MBTD1: variants seen among roughly 807,000 people sequenced by gnomAD.
The protein encoded by MBTD1 is mbt domain containing 1.
MBTD1 carries 24 observed loss-of-function variants against 87.8 expected under a neutral mutation model. That is an observed-to-expected ratio of 0.27 (90% CI 0.20 to 0.38). MBTD1 has a LOEUF of 0.38. Ranked by LOEUF, MBTD1 falls within the 10% of genes least tolerant of loss-of-function variation. The pLI, the probability that MBTD1 is intolerant of heterozygous loss-of-function variation, is 1.00. For missense variants in MBTD1, 436 were observed against 760.2 expected (o/e 0.57, Z 5.02); for synonymous variants, 237 against 248.6 (o/e 0.95, Z 0.44).
chr17:51,189,163 T>C (rs1331193886), intron 16 of MBTD1, among the ~76,000 whole-genome samples: 1 of 94,262 alleles, frequency 1.1e-5, no homozygotes, highest in Non-Finnish European at 2.1e-5. Flanking sequence ...TTTATATATA[T>C]ATTTGCTTTA....
intron 1 of MBTD1, 36 bp from the exon 2 acceptor site, chr17:51,259,242 C>T (rs2055293608): frequency 1.6e-6 from 2 of 1,231,162 alleles, no homozygotes; most frequent in African/African-American, 1.6e-5. Flanking sequence ...CAAAGGAGAA[C>T]GCAATGGTCA....
intron 3 of MBTD1, among the ~76,000 whole-genome samples, chr17:51,220,771 A>G (rs2052842723): frequency 6.6e-6 from 1 of 152,184 alleles, no homozygotes; most frequent in Non-Finnish European, 1.5e-5. Flanking sequence ...AGTGCTTACC[A>G]TGTGCCAGGC....
upstream of MBTD1, chr17:51,260,389 G>C (rs1204607660): frequency 1.6e-6 from 1 of 617,066 alleles, no homozygotes. Flanking sequence ...GGCCCTCCCG[G>C]AGGAACTCCC....
At position 51,179,494 on chromosome 17, in the gene MBTD1, A is replaced by ATATATATATT. The variant is rs2050211823; in HGVS notation, c.*1081_*1082insAATATATATA. ...CAATTAAAGACAATTTTATATATAT[A>ATATATATATT]TATATATATATATATATATATATAT... On this transcript the variant is annotated 3_prime_UTR_variant, in exon 17 of 17. Transcript: ENST00000586178. The ATATATATATT allele has an allele frequency of 3.9e-4, 16 of 41,454 alleles. No homozygotes were observed. Among genetic ancestry groups the ATATATATATT allele is most frequent in the East Asian group, 8.1e-4 (1 of 1,236 alleles). The allele number at this position is 41,454 out of a possible 1,614,324, so 2.6% of individuals were successfully genotyped here.
chr17:51,259,790 C>A, intron 1 of MBTD1, 45 bp downstream of exon 1: 1 of 1,230,386 alleles, frequency 8.1e-7, no homozygotes, highest in Non-Finnish European at 1.0e-6. Flanking sequence ...CTGCAGGCGT[C>A]CCCCCCACCT....
At chr17:51,229,659 A>AT (rs1568211015) in intron 2 of MBTD1, among the ~76,000 whole-genome samples, 12 of 122,222 alleles carry the variant, frequency 9.8e-5, no homozygotes, top group Admixed American at 1.9e-4. Flanking sequence ...TTTTTAGTAT[A>AT]CTTTTTTTTT....
intron 2 of MBTD1, among the ~76,000 whole-genome samples, chr17:51,236,283 T>C (rs2053832880): frequency 1.3e-5 from 2 of 152,206 alleles, no homozygotes; most frequent in Admixed American, 1.3e-4. Context: ...TCTCACCCTG[T>C]TGCCCAGGCT....
intron 2 of MBTD1, among the ~76,000 whole-genome samples, chr17:51,246,882 C>T (rs760508874): frequency 1.2e-4 from 18 of 151,984 alleles, no homozygotes; most frequent in Middle Eastern, 3.2e-3. Context: ...TCAGGTGATC[C>T]GCCCGCCTCA....
At chr17:51,238,466 G>A (rs1011208632) in intron 2 of MBTD1, among the ~76,000 whole-genome samples, 1 of 152,204 alleles carries the variant, frequency 6.6e-6, no homozygotes, top group Non-Finnish European at 1.5e-5. Flanking sequence ...CAGAGGTAAC[G>A]AGAGTTTCTA....
intron 12 of MBTD1, among the ~76,000 whole-genome samples, chr17:51,200,019 G>T (rs531372759): frequency 6.6e-6 from 1 of 152,188 alleles, no homozygotes; most frequent in Admixed American, 6.5e-5. Flanking sequence ...TAGAGACAGG[G>T]TTTCACCGTG....
Position 51,179,029 on chromosome 17 carries a change from T to G in MBTD1, c.*1547A>C, listed in dbSNP as rs1467106579. On this transcript the variant is annotated 3_prime_UTR_variant, in exon 17 of 17. Coordinates refer to ENST00000586178, the MANE Select transcript of MBTD1 (RefSeq NM_017643.3). ...AATAAATTGCTGGTTTTTTTTAACG[T>G]TCTATGCATTTTAAAATTCAAACAA... 6.6e-6 allele frequency: 1 copy of G among 152,154 alleles called. No homozygotes were observed. Among genetic ancestry groups the G allele is most frequent in the Non-Finnish European group, 1.5e-5 (1 of 68,018 alleles). The allele number at this position is 152,154 out of a possible 1,614,324, so 9.4% of individuals were successfully genotyped here. A position where few individuals can be genotyped will look rare whatever the true frequency, so the allele number is the denominator to read the frequency against.
At chr17:51,223,995 C>T (rs12453596) in intron 3 of MBTD1, among the ~76,000 whole-genome samples, 24,111 of 152,184 alleles carry the variant, frequency 0.16, 2,084 homozygotes, top group Admixed American at 0.24. Flanking sequence ...CAGTTATTTA[C>T]AAGTTCATTA....
At chr17:51,254,726 T>C (rs1474805056) in intron 2 of MBTD1, among the ~76,000 whole-genome samples, 1 of 152,238 alleles carries the variant, frequency 6.6e-6, no homozygotes, top group Non-Finnish European at 1.5e-5. Flanking sequence ...ACAGGAAGGA[T>C]GTATGATAAA....
At chr17:51,201,926 A>G in intron 11 of MBTD1, 96 bp downstream of exon 11, 1 of 844,026 alleles carries the variant, frequency 1.2e-6, no homozygotes, top group East Asian at 2.5e-5. Flanking sequence ...TTTTAAGTGA[A>G]CATATGTAAT....
intron 16 of MBTD1, among the ~76,000 whole-genome samples, chr17:51,181,921 G>C (rs1308055329): frequency 1.3e-5 from 2 of 152,172 alleles, no homozygotes; most frequent in African/African-American, 4.8e-5. Context: ...CACAGCGCCT[G>C]GCTGTGTTCA....
intron 2 of MBTD1, 150 bp from the exon 3 acceptor site, chr17:51,225,359 T>A: frequency 4.9e-6 from 2 of 411,102 alleles, no homozygotes; most frequent in South Asian, 5.2e-5. Context: ...TTTCTTTTTT[T>A]AAAAAATGCT....
chr17:51,257,182 T>C (rs968668269), intron 2 of MBTD1, among the ~76,000 whole-genome samples: 1 of 152,260 alleles, frequency 6.6e-6, no homozygotes, highest in African/African-American at 2.4e-5. Flanking sequence ...TTTTAACTAT[T>C]GTAAGTCCTT....
chr17:51,203,096 T>C (rs776293868), intron 9 of MBTD1, 44 bp downstream of exon 9: 4 of 1,467,680 alleles, frequency 2.7e-6, no homozygotes, highest in Non-Finnish European at 3.8e-6. Flanking sequence ...CTGTTACCCT[T>C]GTTTTTTAGA....
intron 12 of MBTD1, among the ~76,000 whole-genome samples, chr17:51,200,559 C>CAAA (rs34253360): frequency 0.23 from 14,153 of 62,008 alleles, 2,042 homozygotes; most frequent in Non-Finnish European, 0.25. Context: ...GATACCATCT[C>CAAA]AAAAAAAAAA....
Sources: gnomAD v4.1 joint callset for allele counts (sites outside exome capture counted in the v4.1 genomes callset) on GRCh38, gnomAD v4.1.1 for gene constraint, MANE v1.5 for transcripts, NCBI Gene and HGNC (gene_info 2026-07-23, HGNC 2026-07-21) for gene names.